CNTNAP2: variants seen among roughly 807,000 people sequenced by gnomAD.
CNTNAP2 encodes the protein contactin associated protein 2.
Under a neutral mutation model 155.2 loss-of-function variants are expected in CNTNAP2, and 98 were observed. The observed-to-expected ratio is 0.63, with a 90% CI of 0.54 to 0.75. The LOEUF (loss-of-function observed/expected upper bound fraction) is 0.75. Ranked by LOEUF, CNTNAP2 falls within the 30% of genes least tolerant of loss-of-function variation. The probability of loss-of-function intolerance (pLI) is 0.00; values close to 1 mark genes in which losing one functional copy is unlikely to be tolerated. For missense variants in CNTNAP2, 1,727 were observed against 1,688.1 expected, an observed-to-expected ratio of 1.02 and a Z score of -0.40; for synonymous variants, 651 against 631.2, an observed-to-expected ratio of 1.03 and a Z score of -0.47.
intron 9 of CNTNAP2, among the ~76,000 whole-genome samples, chr7:147,360,261 A>G (rs116488700): frequency 3.8e-4 from 58 of 152,274 alleles, no homozygotes; most frequent in Middle Eastern, 6.8e-3. Flanking sequence ...CTTGTGGTTC[A>G]GCAATGATAT....
intron 13 of CNTNAP2, among the ~76,000 whole-genome samples, chr7:147,870,488 A>T (rs570717757): frequency 3.3e-4 from 50 of 152,184 alleles, no homozygotes; most frequent in African/African-American, 1.1e-3. Flanking sequence ...CAAGCAGCTG[A>T]CCATCTGTCA....
chr7:147,827,429 T>G (rs2116630130), intron 13 of CNTNAP2, among the ~76,000 whole-genome samples: 1 of 152,252 alleles, frequency 6.6e-6, no homozygotes, highest in African/African-American at 2.4e-5. Context: ...ACATAAAATG[T>G]AAAGTGCTTA....
intron 10 of CNTNAP2, among the ~76,000 whole-genome samples, chr7:147,445,909 C>T (rs1475734122): frequency 2.6e-5 from 4 of 152,004 alleles, no homozygotes; most frequent in Admixed American, 6.6e-5. Context: ...ATCATCCTGG[C>T]TCAGCCTCCT....
chr7:148,161,690 T>A (rs965405769), intron 17 of CNTNAP2, among the ~76,000 whole-genome samples: 1 of 152,126 alleles, frequency 6.6e-6, no homozygotes, highest in African/African-American at 2.4e-5. Context: ...CTAATAAGCA[T>A]CTTATTGCTA....
intron 3 of CNTNAP2, among the ~76,000 whole-genome samples, chr7:146,886,554 T>G (rs576777485): frequency 6.6e-6 from 1 of 152,060 alleles, no homozygotes; most frequent in Non-Finnish European, 1.5e-5. Context: ...CTGTATGTTT[T>G]TTTCTGTTTC....
At chr7:146,929,408 T>G (rs570182289) in intron 3 of CNTNAP2, among the ~76,000 whole-genome samples, 21 of 152,030 alleles carry the variant, frequency 1.4e-4, no homozygotes, top group East Asian at 3.9e-4. Flanking sequence ...CTAACAAACA[T>G]AAAGGACATC....
chr7:146,581,611 C>T (rs951398242), intron 1 of CNTNAP2, among the ~76,000 whole-genome samples: 7 of 151,252 alleles, frequency 4.6e-5, no homozygotes, highest in South Asian at 2.1e-4. Context: ...AAGGTCAACA[C>T]TCAATGTAAT....
intron 13 of CNTNAP2, among the ~76,000 whole-genome samples, chr7:147,710,160 C>T (rs1382531099): frequency 6.6e-6 from 1 of 152,116 alleles, no homozygotes; most frequent in African/African-American, 2.4e-5. Context: ...GGTATTGTTT[C>T]TGCATGTTGG....
intron 1 of CNTNAP2, among the ~76,000 whole-genome samples, chr7:146,213,572 G>A (rs1393937876): frequency 6.6e-6 from 1 of 152,094 alleles, no homozygotes; most frequent in East Asian, 1.9e-4. Context: ...CCTAATGCTG[G>A]AAATTAAATA....
intron 14 of CNTNAP2, among the ~76,000 whole-genome samples, chr7:147,915,591 C>G (rs1240684764): frequency 6.6e-6 from 1 of 151,624 alleles, no homozygotes; most frequent in Non-Finnish European, 1.5e-5. Context: ...TTAAAATGGA[C>G]AGCTATCAAT....
intron 8 of CNTNAP2, among the ~76,000 whole-genome samples, chr7:147,278,664 A>T (rs1804957944): frequency 1.3e-5 from 2 of 151,656 alleles, no homozygotes. Flanking sequence ...TACTGAATAA[A>T]GTTTTTTATA....
intron 13 of CNTNAP2, among the ~76,000 whole-genome samples, chr7:147,868,340 G>T (rs1799268198): frequency 6.6e-6 from 1 of 152,132 alleles, no homozygotes; most frequent in Non-Finnish European, 1.5e-5. Context: ...TCCTCTGGGA[G>T]CTTCATCCCA....
intron 1 of CNTNAP2, among the ~76,000 whole-genome samples, chr7:146,494,348 TAA>T (rs1210620267): frequency 6.6e-6 from 1 of 150,680 alleles, no homozygotes; most frequent in Non-Finnish European, 1.5e-5. Context: ...AAAAAATAAA[TAA>T]ATAAAAATAA....
At position 148,409,385 on chromosome 7, in the gene CNTNAP2, C is replaced by CCG. The variant is rs1554431652; in HGVS notation, c.3716-6_3716-5insCG. ...CTCTGACACTTGACTCTTTCTTTCT[C>CCG]TACAGCCAGTGCGGATTTTCCATAT... is the stretch of plus-strand genomic sequence containing the variant. On this transcript the variant is annotated splice_region_variant and splice_polypyrimidine_tract_variant and intron_variant, in intron 22 of 23. Transcript: ENST00000361727. 1.0e-5 allele frequency: 16 copies of CCG among 1,598,226 alleles called. 1 individual carries two copies. The Middle Eastern group carries it at 1.3e-3, about 132-fold the overall frequency.
At position 146,722,126 on chromosome 7, in the gene CNTNAP2, G is replaced by A. The variant is rs971927958; in HGVS notation, c.98-52145G>A. Among the ~76,000 whole-genome samples the A allele has an allele frequency of 2.6e-5, 4 of 151,652 alleles. No homozygotes were observed. In the East Asian group the frequency reaches 5.8e-4, roughly 22 times the overall value. ...GCTGGTTTTGAACTCCTGATGTCAG[G>A]TGATCCACCTACCTTGGCCTCCCAA... On this transcript the variant is annotated intron_variant, in intron 1 of 23. Coordinates refer to ENST00000361727, the MANE Select transcript of CNTNAP2 (RefSeq NM_014141.6).
chr7:146,885,512 G>A (rs2129210306), intron 3 of CNTNAP2, among the ~76,000 whole-genome samples: 1 of 152,236 alleles, frequency 6.6e-6, no homozygotes, highest in Non-Finnish European at 1.5e-5. Context: ...GGCATTGTTT[G>A]AATTCTGCCA....
intron 11 of CNTNAP2, among the ~76,000 whole-genome samples, chr7:147,546,555 A>G (rs914931359): frequency 6.6e-6 from 1 of 152,168 alleles, no homozygotes; most frequent in Non-Finnish European, 1.5e-5. Context: ...TTTGAGGATT[A>G]AAAAAAGTAG....
chr7:147,583,781 A>C (rs1350881588), intron 12 of CNTNAP2, among the ~76,000 whole-genome samples: 1 of 152,080 alleles, frequency 6.6e-6, no homozygotes, highest in Non-Finnish European at 1.5e-5. Context: ...GTCTCAGTTA[A>C]CAAAATAATT....
intron 10 of CNTNAP2, among the ~76,000 whole-genome samples, chr7:147,441,813 T>TCTCTCTCTCTCTCTCTCTC (rs1797639871): frequency 9.8e-6 from 1 of 102,114 alleles, no homozygotes; most frequent in Admixed American, 1.3e-4. Flanking sequence ...TGTAGTCTCT[T>TCTCTCTCTCTCTCTCTCTC]TCTCTCTCTC....
Sources: allele counts gnomAD v4.1 joint callset (sites outside exome capture counted in the v4.1 genomes callset), GRCh38; gene constraint gnomAD v4.1.1; transcripts MANE v1.5; gene names NCBI Gene and HGNC (gene_info 2026-07-23, HGNC 2026-07-21).